PKD1L3: variants seen among roughly 807,000 people sequenced by gnomAD.
The protein encoded by PKD1L3 is polycystin 1 like 3, transient receptor potential channel interacting.
A neutral mutation model predicts 184.1 loss-of-function variants in PKD1L3; 239 were observed. The ratio of observed to expected loss-of-function variants is 1.30; its 90% confidence interval spans 1.17 to 1.45. PKD1L3 has a LOEUF of 1.45. PKD1L3 is among the 40% of genes most tolerant of loss of function. The probability of loss-of-function intolerance (pLI) is 0.00; values close to 1 mark genes in which losing one functional copy is unlikely to be tolerated. For synonymous variants in PKD1L3, 996 were observed against 778.8 expected (o/e 1.28, Z -4.64); for missense variants, 2,660 against 2,067.2 (o/e 1.29, Z -5.56).
rs746750221 is a variant in PKD1L3 at position 71,934,139 on chromosome 16, A to G, written c.4614-14T>C. ...AAGCTGATGAATCTGCACCAAGGAAAGCTGACAGTTACTCAGCAAGAAGTA... is the reference window on the plus strand; with the variant it reads ...AAGCTGATGAATCTGCACCAAGGAAGGCTGACAGTTACTCAGCAAGAAGTA... On this transcript the variant is annotated splice_polypyrimidine_tract_variant and intron_variant, in intron 26 of 29. Transcript: ENST00000620267. The G allele has an allele frequency of 7.1e-6, 11 of 1,551,246 alleles. No individual in the cohort carries two copies. The highest frequency in any genetic ancestry group is 9.6e-6 in the Non-Finnish European group (11 of 1,146,792).
chr16:71,963,355 T>C lies in PKD1L3; in HGVS notation c.2466-4A>G, dbSNP rs1356069818. The C allele has an allele frequency of 1.3e-6, 2 of 1,545,010 alleles. No individual in the cohort carries two copies. Among genetic ancestry groups the C allele is most frequent in the Non-Finnish European group, 1.7e-6 (2 of 1,143,642 alleles). On this transcript the variant is annotated splice_polypyrimidine_tract_variant and splice_region_variant and intron_variant, in intron 15 of 29. Coordinates refer to ENST00000620267, the MANE Select transcript of PKD1L3 (RefSeq NM_181536.2). ...GACAATTACCTGGCTGACATACCTA[T>C]AGTAAAATGAAGATAACCACATTAG...
intron 16 of PKD1L3, among the ~76,000 whole-genome samples, chr16:71,959,127 C>G (rs1157710425): frequency 7.3e-6 from 1 of 137,286 alleles, no homozygotes; most frequent in African/African-American, 2.7e-5. Flanking sequence ...ATACAGAAAA[C>G]TAGGCTGGGC....
At chr16:71,966,006 G>C (rs2039489490) in intron 15 of PKD1L3, among the ~76,000 whole-genome samples, 1 of 151,928 alleles carries the variant, frequency 6.6e-6, no homozygotes. Flanking sequence ...TTTACAAGCT[G>C]ATTTGTGCAT....
intron 9 of PKD1L3, 71 bp downstream of exon 9, chr16:71,979,715 A>G: frequency 1.4e-6 from 2 of 1,438,300 alleles, no homozygotes; most frequent in Non-Finnish European, 1.8e-6. Flanking sequence ...ATGATACATT[A>G]CTTTCACCCA....
chr16:71,973,237 G>T, intron 12 of PKD1L3, 87 bp downstream of exon 12: 1 of 1,398,892 alleles, frequency 7.1e-7, no homozygotes, highest in South Asian at 1.4e-5. Flanking sequence ...TTTTCTTTCT[G>T]GGCTGCCCCA....
chr16:71,943,044 A>G lies in PKD1L3; in HGVS notation c.3860-20T>C. 6.6e-7 allele frequency: 1 copy of G among 1,508,732 alleles called. No individual in the cohort carries two copies. The highest frequency in any genetic ancestry group is 9.0e-7 in the Non-Finnish European group (1 of 1,112,756). 93.5% of individuals were successfully genotyped at this position (1,508,732 alleles called of 1,614,324 possible). A position where few individuals can be genotyped will look rare whatever the true frequency, so the allele number is the denominator to read the frequency against. ...TTTGTACTTGTTTAGAAGAGGAAAA[A>G]AATGTCATAGTTGAGTGGTTAACTT... On this transcript the variant is annotated intron_variant, in intron 23 of 29. Coordinates refer to ENST00000620267, the MANE Select transcript of PKD1L3 (RefSeq NM_181536.2).
chr16:71,970,194 GA>G, intron 12 of PKD1L3, 89 bp from the exon 13 acceptor site: 1 of 1,021,904 alleles, frequency 9.8e-7, no homozygotes. Context: ...TTTAGAGATG[GA>G]AAGAGGTATC....
chr16:71,955,392 G>A (rs1295904343), intron 16 of PKD1L3, among the ~76,000 whole-genome samples: 3 of 151,782 alleles, frequency 2.0e-5, no homozygotes, highest in Non-Finnish European at 2.9e-5. Flanking sequence ...AGCTGAGATC[G>A]CACCACTGCA....
chr16:71,965,720 A>G (rs1328254850), intron 15 of PKD1L3, among the ~76,000 whole-genome samples: 1 of 151,838 alleles, frequency 6.6e-6, no homozygotes, highest in Non-Finnish European at 1.5e-5. Context: ...TGCCCGGCTA[A>G]TTTTTGTATT....
intron 1 of PKD1L3, among the ~76,000 whole-genome samples, chr16:71,998,814 T>C (rs917283811): frequency 5.3e-5 from 8 of 152,106 alleles, no homozygotes; most frequent in African/African-American, 1.7e-4. Context: ...TAGATAAAAA[T>C]GTAGAATTTC....
intron 23 of PKD1L3, among the ~76,000 whole-genome samples, chr16:71,943,364 C>G (rs114069345): frequency 0.017 from 2,639 of 151,788 alleles, 71 homozygotes; most frequent in African/African-American, 0.059. Flanking sequence ...TAGTAAAACC[C>G]CCCCATCTAC....
intron 28 of PKD1L3, among the ~76,000 whole-genome samples, chr16:71,932,511 T>C (rs377605464): frequency 2.0e-5 from 3 of 151,770 alleles, no homozygotes; most frequent in African/African-American, 4.8e-5. Flanking sequence ...TTTCACTGTC[T>C]TGCCCAGGCT....
intron 15 of PKD1L3, among the ~76,000 whole-genome samples, chr16:71,964,450 T>G: frequency 6.8e-6 from 1 of 146,974 alleles, no homozygotes; most frequent in African/African-American, 2.5e-5. Flanking sequence ...GCAATTCTCC[T>G]GCCTCAGCCT....
intron 26 of PKD1L3, 97 bp downstream of exon 26, chr16:71,935,261 A>C: frequency 8.0e-6 from 10 of 1,245,386 alleles, no homozygotes; most frequent in Non-Finnish European, 9.9e-6. Context: ...TTATGCAAAT[A>C]CAGATCTGGT....
At chr16:71,981,918 G>C (rs2040174105) in intron 7 of PKD1L3, 141 bp downstream of exon 7, 9 of 918,118 alleles carry the variant, frequency 9.8e-6, no homozygotes, top group South Asian at 4.6e-5. Flanking sequence ...CCTTGGAGAA[G>C]GCATGGCAGA....
At position 71,942,608 on chromosome 16, in the gene PKD1L3, C is replaced by G. The variant is rs375182382; in HGVS notation, c.4276G>C (p.Glu1426Gln). 6.4e-7 allele frequency: 1 copy of G among 1,551,558 alleles called. No homozygotes were observed. The highest frequency in any genetic ancestry group is 8.7e-7 in the Non-Finnish European group (1 of 1,147,008). The change falls in exon 24 of 30, where the codon GAA (glutamate) becomes CAA (glutamine). Residue 1426 changes from glutamate (E) to glutamine (Q), a missense_variant. Glu to Gln is a conservative substitution (Grantham distance 29). Coordinates refer to ENST00000620267, the MANE Select transcript of PKD1L3 (RefSeq NM_181536.2). ...MVLIPTDELH[E>Q]RLTSKNENGF... The stretch of plus-strand genomic sequence containing the variant: ...TTCTCATTCTTGCTTGTCAGCCTTT[C>G]GTGAAGCTCATCAGTGGGAATCAGC...
intron 4 of PKD1L3, 42 bp from the exon 5 acceptor site, chr16:71,986,511 T>G (rs1489588802): frequency 1.3e-6 from 2 of 1,517,160 alleles, no homozygotes; most frequent in Admixed American, 4.1e-5. Flanking sequence ...TGAATCTGAT[T>G]TTACCATTTT....
rs375745142 is a variant in PKD1L3, at chr16:71,955,524, G to A, written c.2613-1223C>T. The stretch of plus-strand genomic sequence containing the variant: ...TGTTTTTGAGACAGGGTCTTGCTGC[G>A]TCACCCAGGTTGGAGTGGAGTGCAG... On this transcript the variant is annotated intron_variant, in intron 16 of 29. Coordinates refer to ENST00000620267, the MANE Select transcript of PKD1L3 (RefSeq NM_181536.2). Among the ~76,000 whole-genome samples the A allele has an allele frequency of 2.0e-4, 31 of 152,038 alleles. 1 individual carries two copies. Among genetic ancestry groups the A allele is most frequent in the Admixed American group, 9.8e-4 (15 of 15,272 alleles).
intron 7 of PKD1L3, 151 bp downstream of exon 7, chr16:71,981,908 C>A: frequency 1.2e-6 from 1 of 836,052 alleles, no homozygotes; most frequent in Non-Finnish European, 1.7e-6. Flanking sequence ...GGGAGGGAGA[C>A]CTTGGAGAAG....
Sources: allele counts gnomAD v4.1 joint callset (sites outside exome capture counted in the v4.1 genomes callset), GRCh38; gene constraint gnomAD v4.1.1; transcripts MANE v1.5; gene names NCBI Gene and HGNC (gene_info 2026-07-23, HGNC 2026-07-21).